The following TMEM182 variants were observed in gnomAD, a reference collection of about 807,000 sequenced individuals.
TMEM182 encodes transmembrane protein 182.
In TMEM182, 20 loss-of-function variants were observed where a neutral mutation model predicts 26.8. The ratio of observed to expected loss-of-function variants is 0.75; its 90% confidence interval spans 0.53 to 1.09. The LOEUF is 1.09. Ranked by LOEUF, TMEM182 falls within the 50% of genes least tolerant of loss-of-function variation. The probability of loss-of-function intolerance (pLI) is 0.00; values close to 1 mark genes in which losing one functional copy is unlikely to be tolerated. For synonymous variants in TMEM182, 109 were observed against 102.2 expected (o/e 1.07, Z -0.40); for missense variants, 277 against 275.5 (o/e 1.01, Z -0.04).
intron 3 of TMEM182, among the ~76,000 whole-genome samples, chr2:102,772,954 G>A (rs1441672055): frequency 6.6e-6 from 1 of 152,022 alleles, no homozygotes; most frequent in African/African-American, 2.4e-5. Context: ...GTGTGTGTGT[G>A]TGTGTGTGTG....
At chr2:102,770,253 A>G (rs1326487646) in intron 3 of TMEM182, among the ~76,000 whole-genome samples, 1 of 152,198 alleles carries the variant, frequency 6.6e-6, no homozygotes, top group Non-Finnish European at 1.5e-5. Context: ...ATGAATGGAC[A>G]TGAGAAGCAG....
At chr2:102,782,781 G>C (rs1681226037) in intron 3 of TMEM182, among the ~76,000 whole-genome samples, 1 of 152,128 alleles carries the variant, frequency 6.6e-6, no homozygotes, top group Admixed American at 6.6e-5. Flanking sequence ...GATTTGGTAA[G>C]CTTTATTATT....
At chr2:102,778,653 C>G (rs1681031383) in intron 3 of TMEM182, among the ~76,000 whole-genome samples, 1 of 151,740 alleles carries the variant, frequency 6.6e-6, no homozygotes, top group Non-Finnish European at 1.5e-5. Flanking sequence ...GAGTGTATCT[C>G]TTTGTATAAC....
intron 3 of TMEM182, among the ~76,000 whole-genome samples, chr2:102,842,622 A>G (rs2104784967): frequency 6.6e-6 from 1 of 152,310 alleles, no homozygotes; most frequent in South Asian, 2.1e-4. Context: ...CTCAAGTTAG[A>G]TTGACCTTCC....
At chr2:102,841,010 CT>C (rs547169840) in intron 3 of TMEM182, among the ~76,000 whole-genome samples, 3 of 151,464 alleles carry the variant, frequency 2.0e-5, no homozygotes, top group Admixed American at 6.6e-5. Flanking sequence ...TGCCAGGGGA[CT>C]TTTTTTTTCA....
chr2:102,744,372 C>T (rs1188303243), intron 1 of TMEM182, among the ~76,000 whole-genome samples: 1 of 152,000 alleles, frequency 6.6e-6, no homozygotes, highest in African/African-American at 2.4e-5. Flanking sequence ...GAAAATGTAA[C>T]TTATCAAAAT....
intron 1 of TMEM182, among the ~76,000 whole-genome samples, chr2:102,739,172 C>T (rs1679475016): frequency 6.6e-6 from 1 of 152,162 alleles, no homozygotes; most frequent in Non-Finnish European, 1.5e-5. Context: ...GGTCATAGCA[C>T]TTAAACTCAG....
intron 4 of TMEM182, among the ~76,000 whole-genome samples, chr2:102,801,366 TAC>T (rs1431823865): frequency 6.6e-6 from 1 of 152,144 alleles, no homozygotes; most frequent in Non-Finnish European, 1.5e-5. Flanking sequence ...TTGAACTTTA[TAC>T]ACACTTCAAA....
intron 3 of TMEM182, among the ~76,000 whole-genome samples, chr2:102,773,381 A>C (rs906216100): frequency 1.3e-5 from 2 of 152,052 alleles, no homozygotes; most frequent in African/African-American, 4.8e-5. Context: ...AGAGCTCTGT[A>C]ATGTGGCCAG....
intron 4 of TMEM182, among the ~76,000 whole-genome samples, chr2:102,810,169 A>G (rs1313022509): frequency 1.3e-5 from 2 of 152,238 alleles, no homozygotes; most frequent in African/African-American, 4.8e-5. Context: ...CTTCTAGACA[A>G]TAATAAAGCA....
At chr2:102,804,414 G>A (rs1267726963) in intron 4 of TMEM182, among the ~76,000 whole-genome samples, 1 of 152,052 alleles carries the variant, frequency 6.6e-6, no homozygotes, top group Non-Finnish European at 1.5e-5. Flanking sequence ...ACAATGTTTG[G>A]TTTTCCATTC....
At chr2:102,823,957 T>C (rs1227493626) in intron 3 of TMEM182, among the ~76,000 whole-genome samples, 3 of 152,234 alleles carry the variant, frequency 2.0e-5, no homozygotes, top group Non-Finnish European at 4.4e-5. Context: ...ATCATTGAAG[T>C]TATCCATTTT....
At chr2:102,758,269 G>A (rs2104649509), upstream of TMEM182, 1 of 510,120 alleles carries the variant, frequency 2.0e-6, no homozygotes, top group Non-Finnish European at 3.6e-6. Flanking sequence ...CTATGTCTCA[G>A]TTTGTAAATT....
chr2:102,805,694 T>C (rs1204923062), intron 4 of TMEM182, among the ~76,000 whole-genome samples: 1 of 152,138 alleles, frequency 6.6e-6, no homozygotes, highest in Non-Finnish European at 1.5e-5. Flanking sequence ...CATACTATAA[T>C]GAGGCATCAT....
intron 4 of TMEM182, among the ~76,000 whole-genome samples, chr2:102,808,619 T>A (rs1342108981): frequency 2.6e-5 from 4 of 152,176 alleles, no homozygotes; most frequent in Non-Finnish European, 4.4e-5. Context: ...CATGTATGAG[T>A]TAGAACATCA....
At chr2:102,828,881 CTAAACAGT>C (rs972400678) in intron 3 of TMEM182, among the ~76,000 whole-genome samples, 3 of 152,110 alleles carry the variant, frequency 2.0e-5, no homozygotes, top group African/African-American at 7.2e-5. Context: ...GACTGTAAGG[CTAAACAGT>C]TAACCTGAAA....
chr2:102,776,975 C>T (rs1417061190), intron 3 of TMEM182, among the ~76,000 whole-genome samples: 2 of 151,034 alleles, frequency 1.3e-5, no homozygotes, highest in Admixed American at 6.6e-5. Context: ...TAAATTCTCT[C>T]AGTTTCTAAT....
At chr2:102,798,472 A>G (rs1333688098) in intron 4 of TMEM182, among the ~76,000 whole-genome samples, 1 of 152,240 alleles carries the variant, frequency 6.6e-6, no homozygotes, top group Non-Finnish European at 1.5e-5. Flanking sequence ...GATGATATTT[A>G]TGATAAGCAT....
At chr2:102,767,192 A>G (rs2732843) in intron 3 of TMEM182, among the ~76,000 whole-genome samples, 74,278 of 151,974 alleles carry the variant, frequency 0.49, 19,035 homozygotes, top group African/African-American at 0.65. Context: ...CTTTATATTC[A>G]ATTCTGACTT....
Sources: allele counts gnomAD v4.1 joint callset (sites outside exome capture counted in the v4.1 genomes callset), GRCh38; gene constraint gnomAD v4.1.1; transcripts MANE v1.5; gene names NCBI Gene and HGNC (gene_info 2026-07-23, HGNC 2026-07-21).